Variants in ZAR1L observed in about 807,000 individuals in gnomAD.
The protein encoded by ZAR1L is protein ZAR1-like.
In ZAR1L, 16 loss-of-function variants were observed where a neutral mutation model predicts 30.0. That is an observed-to-expected ratio of 0.53 (90% CI 0.36 to 0.81). ZAR1L has a LOEUF of 0.81. ZAR1L is among the 30% of genes least tolerant of loss of function. ZAR1L has a pLI of 0.00. For missense variants in ZAR1L, 392 were observed against 417.2 expected (o/e 0.94, Z 0.53); for synonymous variants, 197 against 166.8 (o/e 1.18, Z -1.40).
At chr13:32,308,639 T>A in intron 5 of ZAR1L, 47 bp downstream of exon 5, 1 of 1,410,066 alleles carries the variant, frequency 7.1e-7, no homozygotes, top group Non-Finnish European at 9.8e-7. Flanking sequence ...AGAGGCTTCA[T>A]TTTAGTAATG....
rs907117096 is a variant in ZAR1L, at chr13:32,314,435, A to G, written c.-274T>C. ...CACTGAATCCATTTGAAGGTTTTGT[A>G]GGTCTTACAACAAACCCTATTCAGC... On this transcript the variant is annotated 5_prime_UTR_variant, in exon 2 of 6. Coordinates refer to ENST00000533490, the MANE Select transcript of ZAR1L (RefSeq NM_001136571.2). 2.6e-5 allele frequency: 4 copies of G among 152,256 alleles called. No individual in the cohort carries two copies. Among genetic ancestry groups the G allele is most frequent in the Non-Finnish European group, 4.4e-5 (3 of 68,050 alleles). 9.4% of individuals were successfully genotyped at this position (152,256 alleles called of 1,614,324 possible).
In ZAR1L at chr13:32,303,767, A is replaced by G; in HGVS notation, c.*112T>C. On this transcript the variant is annotated 3_prime_UTR_variant, in exon 6 of 6. Transcript: ENST00000533490. ...TTGTTACACAATCTACAAAAAGTAC[A>G]AAAGCCTAGCCATTTTCCGATGCCA... The G allele has an allele frequency of 9.3e-7, 1 of 1,079,918 alleles. No individual in the cohort carries two copies. 66.9% of individuals were successfully genotyped at this position (1,079,918 alleles called of 1,614,324 possible).
chr13:32,309,077 G>A (rs575877469), intron 4 of ZAR1L, among the ~76,000 whole-genome samples: 5 of 148,688 alleles, frequency 3.4e-5, no homozygotes, highest in African/African-American at 1.0e-4. Flanking sequence ...TGCAACCCCC[G>A]CCTCCTGGGT....
chr13:32,311,927 C>A lies in ZAR1L; in HGVS notation c.-2G>T. 1 of 1,542,960 alleles carries A rather than the reference C, an allele frequency of 6.5e-7. No homozygotes were observed. The highest frequency in any genetic ancestry group is 1.2e-5 in the South Asian group (1 of 83,022). ...GGGAACACGGACAAAGCGCTCCATC[C>A]GCTCTCAGGTGCTCAGGCGCAGTCT... On this transcript the variant is annotated 5_prime_UTR_variant, in exon 3 of 6. Transcript: ENST00000533490.
At position 32,311,299 on chromosome 13, in the gene ZAR1L, G is replaced by A. The variant is rs762539061; in HGVS notation, c.627C>T (p.Ser209=). 10 of 1,547,562 alleles carry A rather than the reference G, an allele frequency of 6.5e-6. No homozygotes were observed. Among genetic ancestry groups the A allele is most frequent in the East Asian group, 2.4e-5 (1 of 40,924 alleles). Residue 209 remains serine (S), a synonymous_variant, in exon 3 of 6, where the codon TCC becomes TCT. Coordinates refer to ENST00000533490, the MANE Select transcript of ZAR1L (RefSeq NM_001136571.2). ...GGAAGTTGGGCCTCCGGAGCGGCTC[G>A]GAGGCGGCGTCTCCAGGCACCTGCT... ...KSKQVPGDAA[S]EPLRRPNFQF... is the part of the protein sequence containing the mutation.
chr13:32,311,703 T>A lies in ZAR1L; in HGVS notation c.223A>T (p.Met75Leu), dbSNP rs1270895753. 7 of 1,551,488 alleles carry A rather than the reference T, an allele frequency of 4.5e-6. No homozygotes were observed. In the Admixed American group the frequency reaches 1.2e-4, roughly 26 times the overall value. ...RAQLKAILSQ[M>L]NPSLSPRLCK... is the part of the protein sequence containing the mutation. ...AGCCGCGGGCTCAGGCTGGGGTTCA[T>A]CTGGGAGAGAATGGCCTTAAGCTGC... is the stretch of plus-strand genomic sequence containing the variant. The change falls in exon 3 of 6, where the codon ATG becomes TTG. Residue 75 changes from methionine (M) to leucine (L), a missense_variant. Physicochemically the swap from Met to Leu is conservative, Grantham distance 15 (BLOSUM62 2). Coordinates refer to ENST00000533490, the MANE Select transcript of ZAR1L (RefSeq NM_001136571.2).
At chr13:32,308,314 T>C (rs1007319078) in intron 5 of ZAR1L, among the ~76,000 whole-genome samples, 2 of 152,176 alleles carry the variant, frequency 1.3e-5, no homozygotes, top group African/African-American at 4.8e-5. Context: ...ATCTATAAAA[T>C]AGGAATAACA....
intron 2 of ZAR1L, among the ~76,000 whole-genome samples, 197 bp downstream of exon 2, chr13:32,314,133 C>G (rs1353548300): frequency 6.6e-6 from 1 of 152,192 alleles, no homozygotes; most frequent in African/African-American, 2.4e-5. Flanking sequence ...CTTGAAAACC[C>G]AAAGCAGAAT....
chr13:32,306,662 G>A (rs556588056), intron 5 of ZAR1L, among the ~76,000 whole-genome samples: 16 of 152,288 alleles, frequency 1.1e-4, no homozygotes, highest in South Asian at 8.3e-4. Context: ...TGGGCGTGAC[G>A]GCTCACGCCT....
intron 1 of ZAR1L, 75 bp downstream of exon 1, chr13:32,315,240 G>C (rs1479605894): frequency 6.6e-6 from 1 of 152,558 alleles, no homozygotes; most frequent in African/African-American, 2.4e-5. Flanking sequence ...GGGGGACTTG[G>C]AGTAGGCATA....
rs911480061 is a variant in ZAR1L, at chr13:32,311,434, G to A, written c.492C>T (p.Ser164=). The change falls in exon 3 of 6, where the codon AGC becomes AGT. Residue 164 remains serine (S), a synonymous_variant. Transcript: ENST00000533490. Reference sequence around the variant, plus strand: ...ACCTCCGTGATGGTGGCTGCGGCTGGCTGGCCTCCGCAGGGCCCGGGAGCG... The same window carrying A: ...ACCTCCGTGATGGTGGCTGCGGCTGACTGGCCTCCGCAGGGCCCGGGAGCG... The part of the protein sequence containing the change: ...SKALPGPAEA[S]QPQPPSRRSG... The A allele has an allele frequency of 4.5e-6, 7 of 1,548,596 alleles. No homozygotes were observed. In the Admixed American group the frequency reaches 5.9e-5, roughly 13 times the overall value.
chr13:32,306,734 A>G (rs1442817359), intron 5 of ZAR1L, among the ~76,000 whole-genome samples: 1 of 152,026 alleles, frequency 6.6e-6, no homozygotes, highest in Non-Finnish European at 1.5e-5. Context: ...AGTTCGAGAC[A>G]AGCCTGGCCA....
chr13:32,312,735 G>A (rs903417402), intron 2 of ZAR1L, among the ~76,000 whole-genome samples: 4 of 152,030 alleles, frequency 2.6e-5, no homozygotes, highest in Admixed American at 6.6e-5. Context: ...AAAATCAGCC[G>A]GGTATGGTGG....
At chr13:32,307,498 C>CAAAAA (rs772822284) in intron 5 of ZAR1L, among the ~76,000 whole-genome samples, 2 of 15,384 alleles carry the variant, frequency 1.3e-4, no homozygotes, top group Non-Finnish European at 2.1e-4. Context: ...GAGTCTGTCT[C>CAAAAA]AAAAAAAAAA....
intron 5 of ZAR1L, among the ~76,000 whole-genome samples, chr13:32,306,774 T>C (rs554225215): frequency 4.0e-5 from 6 of 151,520 alleles, no homozygotes; most frequent in Non-Finnish European, 7.4e-5. Flanking sequence ...ATACTAAAAA[T>C]ACAAAAATTA....
Position 32,303,884 on chromosome 13 carries a change from T to G in ZAR1L, c.961A>C (p.Met321Leu). ...TACAAGTCACACTGTACAAGTCACA[T>G]CACATATTTAAAGCTGTAAATATTG... is the stretch of plus-strand genomic sequence containing the variant. ...CGNIYSFKYV[M>L] The change falls in exon 6 of 6, where the codon ATG becomes CTG. Residue 321 changes from methionine (M) to leucine (L), a missense_variant. By Grantham distance (15) the Met-to-Leu change is conservative. Transcript: ENST00000533490. The G allele has an allele frequency of 1.9e-6, 3 of 1,551,670 alleles. No individual in the cohort carries two copies. Among genetic ancestry groups the G allele is most frequent in the Non-Finnish European group, 2.6e-6 (3 of 1,146,968 alleles).
intron 2 of ZAR1L, among the ~76,000 whole-genome samples, chr13:32,313,865 G>T (rs2072230822): frequency 6.6e-6 from 1 of 152,150 alleles, no homozygotes; most frequent in African/African-American, 2.4e-5. Context: ...TTATTTCTGA[G>T]ACTTGTGTGA....
Position 32,311,266 on chromosome 13 carries a change from A to C in ZAR1L, c.654+6T>G. 1 of 1,544,622 alleles carries C rather than the reference A, an allele frequency of 6.5e-7. No individual in the cohort carries two copies. Among genetic ancestry groups the C allele is most frequent in the Non-Finnish European group, 8.7e-7 (1 of 1,143,644 alleles). ...GAGGACTAAGAAGAGGGAAGAGAGG[A>C]TCTACCTGGAAGTTGGGCCTCCGGA... is the stretch of plus-strand genomic sequence containing the variant. On this transcript the variant is annotated splice_donor_region_variant and intron_variant, in intron 3 of 5. Transcript: ENST00000533490.
intron 4 of ZAR1L, 37 bp from the exon 5 acceptor site, chr13:32,308,797 T>G: frequency 7.2e-7 from 1 of 1,395,136 alleles, no homozygotes; most frequent in Non-Finnish European, 9.9e-7. Flanking sequence ...TACAAGCTTT[T>G]ATACACACCC....
Sources: gnomAD v4.1 joint callset for allele counts (sites outside exome capture counted in the v4.1 genomes callset) on GRCh38, gnomAD v4.1.1 for gene constraint, MANE v1.5 for transcripts, NCBI Gene and HGNC (gene_info 2026-07-23, HGNC 2026-07-21) for gene names.